Variants in SGCD observed in about 807,000 individuals in gnomAD.
The protein encoded by SGCD is sarcoglycan delta.
In SGCD, 18 loss-of-function variants were observed where a neutral mutation model predicts 36.6. The observed-to-expected ratio is 0.49, with a 90% CI of 0.34 to 0.73. The LOEUF (loss-of-function observed/expected upper bound fraction) is 0.73. Ranked by LOEUF, SGCD falls within the 30% of genes least tolerant of loss-of-function variation. The probability of loss-of-function intolerance (pLI) is 0.01; values close to 1 mark genes in which losing one functional copy is unlikely to be tolerated. For synonymous variants in SGCD, 133 were observed against 130.6 expected (o/e 1.02, Z -0.12); for missense variants, 387 against 346.7 (o/e 1.12, Z -0.92).
Position 156,622,043 on chromosome 5 carries a change from T to C in SGCD, c.503-25421T>C, listed in dbSNP as rs1009400871. Among the ~76,000 whole-genome samples the C allele has an allele frequency of 4.0e-4, 61 of 152,220 alleles. 1 individual carries two copies. ...TCTGAAACCTGTATTTTGGTTTTCTTTAAATAATTATTGAGATAAAATTCA... is the reference window on the plus strand; with the variant it reads ...TCTGAAACCTGTATTTTGGTTTTCTCTAAATAATTATTGAGATAAAATTCA... On this transcript the variant is annotated intron_variant, in intron 6 of 8. Transcript: ENST00000337851.
intron 3 of SGCD, among the ~76,000 whole-genome samples, chr5:156,457,593 A>C (rs1048374240): frequency 1.3e-5 from 2 of 152,304 alleles, no homozygotes; most frequent in African/African-American, 4.8e-5. Context: ...AGCAAATAAA[A>C]TTCTCTCCAC....
intron 4 of SGCD, among the ~76,000 whole-genome samples, chr5:156,547,272 A>G (rs1758612297): frequency 1.3e-5 from 2 of 152,050 alleles, no homozygotes. Context: ...CTAGATTTCC[A>G]TAGCACCCCT....
At chr5:155,973,605 G>T (rs1758049238) in intron 1 of SGCD, among the ~76,000 whole-genome samples, 1 of 152,186 alleles carries the variant, frequency 6.6e-6, no homozygotes, top group African/African-American at 2.4e-5. Context: ...AAGTCTGCAA[G>T]TTAGTGGGGC....
At chr5:156,336,156 A>G (rs72813885) in intron 2 of SGCD, among the ~76,000 whole-genome samples, 25,415 of 152,144 alleles carry the variant, frequency 0.17, 3,062 homozygotes, top group African/African-American at 0.34. Context: ...TGATCTAGCC[A>G]CACTGTCCTC....
At chr5:156,439,131 C>T (rs887051644) in intron 3 of SGCD, among the ~76,000 whole-genome samples, 2 of 152,134 alleles carry the variant, frequency 1.3e-5, no homozygotes, top group African/African-American at 2.4e-5. Flanking sequence ...CGTGAGACTG[C>T]TCCAGGCACT....
intron 3 of SGCD, among the ~76,000 whole-genome samples, chr5:156,138,451 G>A (rs1024832092): frequency 6.6e-5 from 10 of 152,086 alleles, no homozygotes; most frequent in Admixed American, 1.3e-4. Flanking sequence ...TGGTCTTATG[G>A]GATATATTCT....
intron 3 of SGCD, among the ~76,000 whole-genome samples, chr5:156,440,272 C>A (rs940909916): frequency 6.6e-6 from 1 of 152,074 alleles, no homozygotes; most frequent in African/African-American, 2.4e-5. Context: ...TTTAACATAG[C>A]CTAATGTTTC....
intron 3 of SGCD, among the ~76,000 whole-genome samples, chr5:156,206,782 G>C (rs1233233528): frequency 2.6e-5 from 4 of 151,502 alleles, no homozygotes; most frequent in Non-Finnish European, 5.9e-5. Context: ...TTGAGGATTT[G>C]TATGGCATAG....
At chr5:156,236,923 T>C (rs1765180521) in intron 3 of SGCD, among the ~76,000 whole-genome samples, 1 of 151,226 alleles carries the variant, frequency 6.6e-6, no homozygotes. Flanking sequence ...AATAATCACC[T>C]CCCAGGTTCA....
chr5:156,266,718 T>C (rs1766007235), intron 3 of SGCD, among the ~76,000 whole-genome samples: 1 of 151,426 alleles, frequency 6.6e-6, no homozygotes, highest in South Asian at 2.1e-4. Context: ...GCTCAATAGA[T>C]CTTCCCACCT....
intron 3 of SGCD, among the ~76,000 whole-genome samples, chr5:156,345,252 A>T (rs904667975): frequency 1.3e-5 from 2 of 151,434 alleles, no homozygotes; most frequent in Non-Finnish European, 1.5e-5. Context: ...TTTTTTTTTT[A>T]AGAATTGATG....
intron 6 of SGCD, among the ~76,000 whole-genome samples, chr5:156,632,813 C>A (rs986408677): frequency 1.3e-5 from 2 of 152,160 alleles, no homozygotes; most frequent in Admixed American, 6.5e-5. Context: ...TACCTTTAGA[C>A]CCCATGGAGT....
chr5:156,381,205 AG>A (rs1251768805), intron 3 of SGCD, among the ~76,000 whole-genome samples: 5 of 152,142 alleles, frequency 3.3e-5, no homozygotes, highest in Non-Finnish European at 5.9e-5. Context: ...AAAAGGAATG[AG>A]GGTTATGAAG....
chr5:156,299,151 C>T (rs944601658), intron 3 of SGCD, among the ~76,000 whole-genome samples: 3 of 152,130 alleles, frequency 2.0e-5, no homozygotes, highest in South Asian at 4.2e-4. Context: ...TTCATTTTTC[C>T]GCATAGTGAT....
chr5:156,713,641 T>C (rs1254291998), intron 7 of SGCD, among the ~76,000 whole-genome samples: 1 of 152,236 alleles, frequency 6.6e-6, no homozygotes, highest in Non-Finnish European at 1.5e-5. Context: ...TTGCATCTGT[T>C]GTTTACTTCA....
intron 3 of SGCD, among the ~76,000 whole-genome samples, chr5:156,268,434 G>A (rs990941783): frequency 6.6e-6 from 1 of 152,170 alleles, no homozygotes; most frequent in Non-Finnish European, 1.5e-5. Flanking sequence ...CACCAACAGT[G>A]TATAAGTGAC....
chr5:156,727,099 G>T (rs1251234067), intron 7 of SGCD, among the ~76,000 whole-genome samples: 1 of 152,182 alleles, frequency 6.6e-6, no homozygotes, highest in African/African-American at 2.4e-5. Context: ...CGGTTTTGCA[G>T]CCAGGGAGAG....
At chr5:156,406,307 G>T (rs1164058498) in intron 3 of SGCD, among the ~76,000 whole-genome samples, 1 of 152,062 alleles carries the variant, frequency 6.6e-6, no homozygotes, top group Non-Finnish European at 1.5e-5. Context: ...TGCAGGAGAA[G>T]CTCCAGCGTC....
At chr5:155,768,788 G>T in the SGCD span, among the ~76,000 whole-genome samples, 1 of 152,100 alleles carries the variant, frequency 6.6e-6, no homozygotes, top group African/African-American at 2.4e-5. Flanking sequence ...TGTTTTACAT[G>T]TTGTCCTTTT....
Sources: allele counts gnomAD v4.1 joint callset (sites outside exome capture counted in the v4.1 genomes callset), GRCh38; gene constraint gnomAD v4.1.1; transcripts MANE v1.5; gene names NCBI Gene and HGNC (gene_info 2026-07-23, HGNC 2026-07-21).